GALNT13: variants seen among roughly 807,000 people sequenced by gnomAD.
GALNT13 encodes UDP-GalNAc:polypeptide N-acetylgalactosaminyltransferase 13.
A neutral mutation model predicts 64.2 loss-of-function variants in GALNT13; 28 were observed. The observed-to-expected ratio is 0.44, with a 90% CI of 0.32 to 0.60. GALNT13 has a LOEUF of 0.60. Ranked by LOEUF, GALNT13 falls within the 20% of genes least tolerant of loss-of-function variation. GALNT13 has a pLI of 0.05. For synonymous variants in GALNT13, 214 were observed against 224.6 expected (o/e 0.95, Z 0.42); for missense variants, 577 against 669.8 (o/e 0.86, Z 1.53).
chr2:154,432,810 A>G (rs750333700), intron 11 of GALNT13, among the ~76,000 whole-genome samples: 4 of 152,168 alleles, frequency 2.6e-5, no homozygotes, highest in African/African-American at 4.8e-5. Flanking sequence ...CATGAGGACT[A>G]TCTCCATAAG....
chr2:153,445,632 C>T, the GALNT13 span, among the ~76,000 whole-genome samples: 10 of 152,220 alleles, frequency 6.6e-5, no homozygotes, highest in Admixed American at 3.3e-4. Flanking sequence ...CCTGCCTTGG[C>T]GTCCCAAAGT....
the GALNT13 span, among the ~76,000 whole-genome samples, chr2:153,809,257 T>C: frequency 6.6e-6 from 1 of 152,208 alleles, no homozygotes; most frequent in Non-Finnish European, 1.5e-5. Context: ...TTTAGGATGT[T>C]TTCTCCAACA....
the GALNT13 span, among the ~76,000 whole-genome samples, chr2:153,328,154 T>C: frequency 3.9e-5 from 6 of 152,216 alleles, no homozygotes; most frequent in Non-Finnish European, 8.8e-5. Flanking sequence ...CAAAGATTGC[T>C]GCCTGCTCCT....
the GALNT13 span, among the ~76,000 whole-genome samples, chr2:153,767,207 G>C: frequency 6.6e-6 from 1 of 151,986 alleles, no homozygotes; most frequent in African/African-American, 2.4e-5. Flanking sequence ...TGAGGTATTT[G>C]GTTTTCTGTT....
intron 2 of GALNT13, among the ~76,000 whole-genome samples, chr2:153,925,087 C>T (rs2348539): frequency 0.72 from 109,269 of 152,168 alleles, 39,564 homozygotes; most frequent in East Asian, 0.96. Flanking sequence ...TTTTTGCTTT[C>T]GTTGCAATTG....
At chr2:153,645,213 C>A in the GALNT13 span, among the ~76,000 whole-genome samples, 3 of 152,086 alleles carry the variant, frequency 2.0e-5, no homozygotes, top group Non-Finnish European at 4.4e-5. Flanking sequence ...GAGCAAGAGG[C>A]TAGATGTGGC....
At chr2:154,260,268 A>G (rs1459043010) in intron 8 of GALNT13, among the ~76,000 whole-genome samples, 3 of 152,190 alleles carry the variant, frequency 2.0e-5, no homozygotes, top group Non-Finnish European at 4.4e-5. Flanking sequence ...GTATTTATCT[A>G]TGAAGTTTAA....
chr2:153,789,449 C>T, the GALNT13 span, among the ~76,000 whole-genome samples: 14 of 152,164 alleles, frequency 9.2e-5, no homozygotes, highest in African/African-American at 3.4e-4. Flanking sequence ...GGCAGTATTA[C>T]TAGGGAAATT....
intron 11 of GALNT13, among the ~76,000 whole-genome samples, chr2:154,412,243 C>T (rs1273430617): frequency 6.6e-6 from 1 of 151,684 alleles, no homozygotes; most frequent in Non-Finnish European, 1.5e-5. Context: ...ATGAATTCTG[C>T]TCTGATGGAA....
At chr2:154,096,780 C>T (rs1201280654) in intron 3 of GALNT13, among the ~76,000 whole-genome samples, 1 of 151,976 alleles carries the variant, frequency 6.6e-6, no homozygotes, top group Non-Finnish European at 1.5e-5. Context: ...CTTCCCTATA[C>T]AGGTTCTAAA....
chr2:154,324,909 ATG>A (rs950701631), intron 9 of GALNT13, among the ~76,000 whole-genome samples: 1 of 152,104 alleles, frequency 6.6e-6, no homozygotes, highest in African/African-American at 2.4e-5. Context: ...CAGAAGTAGT[ATG>A]TGTTTTTCAG....
At chr2:153,195,818 CAA>C in the GALNT13 span, among the ~76,000 whole-genome samples, 2 of 152,172 alleles carry the variant, frequency 1.3e-5, no homozygotes, top group African/African-American at 4.8e-5. Flanking sequence ...GTGAGCAAGA[CAA>C]AGAGGAGCTT....
At chr2:153,708,384 T>C in the GALNT13 span, among the ~76,000 whole-genome samples, 1 of 152,050 alleles carries the variant, frequency 6.6e-6, no homozygotes, top group African/African-American at 2.4e-5. Flanking sequence ...GGGTGTAAAA[T>C]AAAACTATCC....
chr2:154,290,128 C>T (rs1692514895), intron 8 of GALNT13, among the ~76,000 whole-genome samples: 1 of 152,194 alleles, frequency 6.6e-6, no homozygotes, highest in African/African-American at 2.4e-5. Flanking sequence ...TCTAGATTTA[C>T]TGCCGGGGCA....
At chr2:153,800,215 C>A in the GALNT13 span, among the ~76,000 whole-genome samples, 4 of 152,034 alleles carry the variant, frequency 2.6e-5, no homozygotes, top group Non-Finnish European at 4.4e-5. Flanking sequence ...TTTCTTAGTA[C>A]ATATGAAAAT....
chr2:153,807,275 G>T, the GALNT13 span, among the ~76,000 whole-genome samples: 1 of 151,620 alleles, frequency 6.6e-6, no homozygotes, highest in Non-Finnish European at 1.5e-5. Flanking sequence ...ATGCAATAAT[G>T]TATAAATATA....
chr2:153,732,819 C>T, the GALNT13 span, among the ~76,000 whole-genome samples: 3 of 152,034 alleles, frequency 2.0e-5, no homozygotes, highest in Admixed American at 6.6e-5. Flanking sequence ...TTTGCCTCTA[C>T]CGTAGAGATA....
intron 3 of GALNT13, among the ~76,000 whole-genome samples, chr2:154,103,770 G>C (rs1483877197): frequency 6.6e-6 from 1 of 152,072 alleles, no homozygotes; most frequent in Admixed American, 6.6e-5. Flanking sequence ...TTATTATCTT[G>C]TACAGTGGCT....
At chr2:153,713,349 G>A in the GALNT13 span, among the ~76,000 whole-genome samples, 13 of 152,284 alleles carry the variant, frequency 8.5e-5, no homozygotes, top group South Asian at 1.5e-3. Flanking sequence ...ATCAGACTCA[G>A]GAATATCACT....
Sources: allele counts gnomAD v4.1 joint callset (sites outside exome capture counted in the v4.1 genomes callset), GRCh38; gene constraint gnomAD v4.1.1; transcripts MANE v1.5; gene names NCBI Gene and HGNC (gene_info 2026-07-23, HGNC 2026-07-21).